The following MKI67 variants were observed in gnomAD, a reference collection of about 807,000 sequenced individuals.
The protein encoded by MKI67 is marker of proliferation Ki-67, also known as proliferation marker protein Ki-67.
Under a neutral mutation model 233.5 loss-of-function variants are expected in MKI67, and 152 were observed. That is an observed-to-expected ratio of 0.65 (90% CI 0.57 to 0.74). The LOEUF is 0.74. Ranked by LOEUF, MKI67 falls within the 30% of genes least tolerant of loss-of-function variation. The pLI, the probability that MKI67 is intolerant of heterozygous loss-of-function variation, is 0.00. For synonymous variants in MKI67, 1,465 were observed against 1,418.5 expected, an observed-to-expected ratio of 1.03 and a Z score of -0.74; for missense variants, 3,940 against 3,885.2, an observed-to-expected ratio of 1.01 and a Z score of -0.37.
Position 128,105,490 on chromosome 10 carries a change from G to C in MKI67, c.6350C>G (p.Thr2117Arg). The C allele has an allele frequency of 6.2e-7, 1 of 1,613,984 alleles. No individual in the cohort carries two copies. The highest frequency in any genetic ancestry group is 1.1e-5 in the South Asian group (1 of 91,066). Residue 2117 changes from threonine (T) to arginine (R), a missense_variant, in exon 13 of 15, where the codon ACA (threonine) becomes AGA (arginine). By Grantham distance (71) the Thr-to-Arg change is moderately conservative. Transcript: ENST00000368654. ...PPESMDTPTS[T>R]RRRPKTPLGK... The stretch of plus-strand genomic sequence containing the variant: ...CAAAGGTGTTTTGGGCCGCCTCCTT[G>C]TGCTTGTTGGAGTGTCCATTGATTC...
rs1322207119 is a variant in MKI67 at position 128,106,785 on chromosome 10, G to A, written c.5055C>T (p.Asp1685=). Residue 1685 remains aspartate (D), a synonymous_variant, in exon 13 of 15, where the codon GAC becomes GAT. Coordinates refer to ENST00000368654, the MANE Select transcript of MKI67 (RefSeq NM_002417.5). ...AFMESPKQIL[D]SAASLTGSKR... Reference sequence around the variant, plus strand: ...TGCTGCCAGTTAGACTTGCTGCTGAGTCTAAGATCTGCTTTGGAGACTCCA... The same window carrying A: ...TGCTGCCAGTTAGACTTGCTGCTGAATCTAAGATCTGCTTTGGAGACTCCA... The A allele has an allele frequency of 1.2e-6, 2 of 1,614,020 alleles. No individual in the cohort carries two copies. The highest frequency in any genetic ancestry group is 2.7e-5 in the African/African-American group (2 of 74,916).
At position 128,104,252 on chromosome 10, in the gene MKI67, T is replaced by C. The variant is rs758932785; in HGVS notation, c.7588A>G (p.Lys2530Glu). 6.2e-7 allele frequency: 1 copy of C among 1,614,082 alleles called. No homozygotes were observed. Among genetic ancestry groups the C allele is most frequent in the South Asian group, 1.1e-5 (1 of 91,082 alleles). Residue 2530 changes from lysine to glutamate, a missense_variant, in exon 13 of 15, where the codon AAG (lysine) becomes GAG (glutamate). Lys to Glu is a moderately conservative substitution (Grantham distance 56, BLOSUM62 1). Coordinates refer to ENST00000368654, the MANE Select transcript of MKI67 (RefSeq NM_002417.5). ...KSIKAFKESP[K>E]QILDPAASVT... is the part of the protein sequence containing the mutation. Reference sequence around the variant, plus strand: ...CTTGCTGCTGGGTCCAGGATCTGCTTTGGAGACTCCTTAAACGCTTTGATG... The same window carrying C: ...CTTGCTGCTGGGTCCAGGATCTGCTCTGGAGACTCCTTAAACGCTTTGATG...
At position 128,115,460 on chromosome 10, in the gene MKI67, G is replaced by T; in HGVS notation, c.948C>A (p.Asn316Lys). 2 of 1,613,814 alleles carry T rather than the reference G, an allele frequency of 1.2e-6. No individual in the cohort carries two copies. Among genetic ancestry groups the T allele is most frequent in the Non-Finnish European group, 1.7e-6 (2 of 1,179,932 alleles). The change falls in exon 7 of 15, where the codon AAC (asparagine) becomes AAA (lysine). Residue 316 changes from asparagine to lysine, a missense_variant. Physicochemically the swap from Asn to Lys is moderately conservative, Grantham distance 94. Coordinates refer to ENST00000368654, the MANE Select transcript of MKI67 (RefSeq NM_002417.5). ...ACTCCACGTCTCTTCCCTTCCCCTT[G>T]TTCTGGTCAAGCTCTTGTTCAGGTG... ...PASPEQELDQ[N>K]KGKGRDVESV...
At position 128,108,437 on chromosome 10, in the gene MKI67, C is replaced by T; in HGVS notation, c.3403G>A (p.Glu1135Lys). 1 of 1,614,106 alleles carries T rather than the reference C, an allele frequency of 6.2e-7. No individual in the cohort carries two copies. Among genetic ancestry groups the T allele is most frequent in the Non-Finnish European group, 8.5e-7 (1 of 1,180,046 alleles). ...GTGCTTGTTGGAGTGTCCACTGATT[C>T]TGGTGGTGGAGATTTGCAGGCTATT... ...TKIACKSPPP[E>K]SVDTPTSTKQ... The change falls in exon 13 of 15, where the codon GAA becomes AAA. Residue 1135 changes from glutamate (E) to lysine (K), a missense_variant. Coordinates refer to ENST00000368654, the MANE Select transcript of MKI67 (RefSeq NM_002417.5).
chr10:128,117,677 ACTAT>A (rs1251213079), intron 5 of MKI67, among the ~76,000 whole-genome samples: 2 of 152,228 alleles, frequency 1.3e-5, no homozygotes, highest in East Asian at 3.8e-4. Flanking sequence ...TGCTTCTAAA[ACTAT>A]CTATGTGAGG....
rs1204578456 is a variant in MKI67 at position 128,110,534 on chromosome 10, C to T, written c.2261-1G>A. On this transcript the variant is annotated splice_acceptor_variant, in intron 11 of 14. Coordinates refer to ENST00000368654, the MANE Select transcript of MKI67 (RefSeq NM_002417.5). LOFTEE classifies it high-confidence loss of function. ...GGGGTCTTGAACATTTCAGCTATTCCTGTTAAATGAAAATATTTGAAAAGT... is the reference window on the plus strand; with the variant it reads ...GGGGTCTTGAACATTTCAGCTATTCTTGTTAAATGAAAATATTTGAAAAGT... 8 of 1,536,804 alleles carry T rather than the reference C, an allele frequency of 5.2e-6. No homozygotes were observed. The highest frequency in any genetic ancestry group is 3.7e-5 in the South Asian group (3 of 80,200).
chr10:128,119,552 T>A (rs1326510916), intron 4 of MKI67, among the ~76,000 whole-genome samples: 1 of 152,244 alleles, frequency 6.6e-6, no homozygotes, highest in Non-Finnish European at 1.5e-5. Flanking sequence ...GGGACCCAGA[T>A]TAACTTCTGA....
In MKI67 at chr10:128,106,833, A is replaced by G. The variant is rs772419215; in HGVS notation, c.5007T>C (p.Asp1669=). 3 of 1,613,856 alleles carry G rather than the reference A, an allele frequency of 1.9e-6. No homozygotes were observed. Among genetic ancestry groups the G allele is most frequent in the East Asian group, 2.2e-5 (1 of 44,864 alleles). ...TTHTHTEPTG[D]GKSMKAFMES... ...CCATAAATGCTTTCATGCTCTTACC[A>G]TCTCCTGTTGGCTCTGTGTGTGTGT... The change falls in exon 13 of 15, where the codon GAT becomes GAC. Residue 1669 remains aspartate, a synonymous_variant. Coordinates refer to ENST00000368654, the MANE Select transcript of MKI67 (RefSeq NM_002417.5).
Position 128,115,798 on chromosome 10 carries a change from T to C in MKI67, c.610A>G (p.Lys204Glu). Residue 204 changes from lysine (K) to glutamate (E), a missense_variant, in exon 7 of 15, where the codon AAA becomes GAA. Coordinates refer to ENST00000368654, the MANE Select transcript of MKI67 (RefSeq NM_002417.5). The stretch of plus-strand genomic sequence containing the variant: ...ACTAATTTAACGCTGGAAATTTCTT[T>C]AAAATCCCCAGAAATGGGATCAGCT... ...NAADPISGDF[K>E]EISSVKLVSR... 4 of 1,611,762 alleles carry C rather than the reference T, an allele frequency of 2.5e-6. No individual in the cohort carries two copies. The East Asian group carries it at 8.9e-5, about 36-fold the overall frequency.
rs1450580761 is a variant in MKI67, at chr10:128,103,885, T to C, written c.7955A>G (p.Lys2652Arg). The change falls in exon 13 of 15, where the codon AAG becomes AGG. Residue 2652 changes from lysine (K) to arginine (R), a missense_variant. Physicochemically the swap from Lys to Arg is conservative, Grantham distance 26 (BLOSUM62 2). Coordinates refer to ENST00000368654, the MANE Select transcript of MKI67 (RefSeq NM_002417.5). Reference sequence around the variant, plus strand: ...TTCCTCTTCTACTGGGTTTGGTTTCTTCTTTGCACGTTGCTTCAATACTTT... The same window carrying C: ...TTCCTCTTCTACTGGGTTTGGTTTCCTCTTTGCACGTTGCTTCAATACTTT... ...GIKVLKQRAK[K>R]KPNPVEEEPS... 2 of 1,613,892 alleles carry C rather than the reference T, an allele frequency of 1.2e-6. No individual in the cohort carries two copies. Among genetic ancestry groups the C allele is most frequent in the South Asian group, 2.2e-5 (2 of 91,078 alleles).
chr10:128,103,889 T>C lies in MKI67; in HGVS notation c.7951A>G (p.Lys2651Glu). Residue 2651 changes from lysine (K) to glutamate (E), a missense_variant, in exon 13 of 15, where the codon AAG becomes GAG. Lys to Glu is a moderately conservative substitution (Grantham distance 56). Transcript: ENST00000368654. Reference protein sequence around the residue: ...EGIKVLKQRAKKKPNPVEEEP... With the variant: ...EGIKVLKQRAEKKPNPVEEEP... Reference sequence around the variant, plus strand: ...TCTTCTACTGGGTTTGGTTTCTTCTTTGCACGTTGCTTCAATACTTTGATG... The same window carrying C: ...TCTTCTACTGGGTTTGGTTTCTTCTCTGCACGTTGCTTCAATACTTTGATG... 2 of 1,613,956 alleles carry C rather than the reference T, an allele frequency of 1.2e-6. No homozygotes were observed. Among genetic ancestry groups the C allele is most frequent in the Non-Finnish European group, 1.7e-6 (2 of 1,179,998 alleles).
At position 128,107,003 on chromosome 10, in the gene MKI67, C is replaced by T; in HGVS notation, c.4837G>A (p.Val1613Ile). ...ESMTNDKTAK[V>I]ACKSSQPDPD... ...TCTGGTTGTGAAGATTTGCAGGCTA[C>T]TTTGGCAGTTTTATCGTTAGTCATT... The change falls in exon 13 of 15, where the codon GTA (valine) becomes ATA (isoleucine). Residue 1613 changes from valine (V) to isoleucine (I), a missense_variant. Physicochemically the swap from Val to Ile is conservative, Grantham distance 29. Transcript: ENST00000368654. The T allele has an allele frequency of 6.2e-7, 1 of 1,613,906 alleles. No individual in the cohort carries two copies. The highest frequency in any genetic ancestry group is 8.5e-7 in the Non-Finnish European group (1 of 1,179,986).
At position 128,124,313 on chromosome 10, in the gene MKI67, A is replaced by G. The variant is rs573567999; in HGVS notation, c.93-1144T>C. Among the ~76,000 whole-genome samples the G allele has an allele frequency of 7.5e-4, 114 of 152,338 alleles. 1 individual carries two copies. The highest frequency in any genetic ancestry group is 2.7e-3 in the African/African-American group (111 of 41,590). On this transcript the variant is annotated intron_variant, in intron 2 of 14. Transcript: ENST00000368654. ...GAATTTGTTTGGCAGGAGGACGACTATAGATGGGTGTTTCTGAGCTTTGGC... is the reference window on the plus strand; with the variant it reads ...GAATTTGTTTGGCAGGAGGACGACTGTAGATGGGTGTTTCTGAGCTTTGGC...
rs532424501 is a variant in MKI67, at chr10:128,108,199, G to T, written c.3641C>A (p.Pro1214His). Reference sequence around the variant, plus strand: ...TTCTAGAGCCTGGGCCTTTTCCTTAGGAGTCTGTAGCTGTCTTTTGCTGCC... The same window carrying T: ...TTCTAGAGCCTGGGCCTTTTCCTTATGAGTCTGTAGCTGTCTTTTGCTGCC... ...LPGSKRQLQT[P>H]KEKAQALEDL... The change falls in exon 13 of 15, where the codon CCT becomes CAT. Residue 1214 changes from proline to histidine, a missense_variant. Transcript: ENST00000368654. The T allele has an allele frequency of 5.6e-6, 9 of 1,613,438 alleles. No individual in the cohort carries two copies. The African/African-American group carries it at 1.2e-4, about 22-fold the overall frequency.
chr10:128,118,628 G>C (rs1270161362), intron 5 of MKI67, among the ~76,000 whole-genome samples: 1 of 152,028 alleles, frequency 6.6e-6, no homozygotes, highest in East Asian at 1.9e-4. Context: ...TTAATAAGCT[G>C]TACAACTAAA....
chr10:128,101,269 T>G lies in MKI67; in HGVS notation c.9694A>C (p.Asn3232His), dbSNP rs764669533. ...AGTAAATGGCTTACCTTCTTTGGATTTTCTGCACACCTCTTGACACTCCGC... is the reference window on the plus strand; with the variant it reads ...AGTAAATGGCTTACCTTCTTTGGATGTTCTGCACACCTCTTGACACTCCGC... ...VTRSVKRCAENPKKAEDNVCV... is the reference protein window; with the variant it reads ...VTRSVKRCAEHPKKAEDNVCV... The change falls in exon 14 of 15, where the codon AAT (asparagine) becomes CAT (histidine). Residue 3232 changes from asparagine (N) to histidine (H), a missense_variant. By Grantham distance (68) the Asn-to-His change is moderately conservative. Coordinates refer to ENST00000368654, the MANE Select transcript of MKI67 (RefSeq NM_002417.5). 1.2e-6 allele frequency: 2 copies of G among 1,608,370 alleles called. No individual in the cohort carries two copies. The highest frequency in any genetic ancestry group is 1.7e-5 in the Admixed American group (1 of 59,846).
At position 128,111,774 on chromosome 10, in the gene MKI67, C is replaced by A. The variant is rs766987700; in HGVS notation, c.2131G>T (p.Ala711Ser). 17 of 1,613,982 alleles carry A rather than the reference C, an allele frequency of 1.1e-5. No individual in the cohort carries two copies. The South Asian group carries it at 1.8e-4, about 17-fold the overall frequency. Reference sequence around the variant, plus strand: ...ATTATTATGGTACAAGGAGAGTTTGCGTGGCCTGTACTAAATTGACTGTGA... The same window carrying A: ...ATTATTATGGTACAAGGAGAGTTTGAGTGGCCTGTACTAAATTGACTGTGA... ...EVHSQFSTGHANSPCTIIIGK... is the reference protein window; with the variant it reads ...EVHSQFSTGHSNSPCTIIIGK... The change falls in exon 11 of 15, where the codon GCA becomes TCA. Residue 711 changes from alanine to serine, a missense_variant. Ala to Ser is a moderately conservative substitution (Grantham distance 99, BLOSUM62 1). Transcript: ENST00000368654.
rs775145750 is a variant in MKI67 at position 128,103,766 on chromosome 10, T to C, written c.8074A>G (p.Thr2692Ala). Reference protein sequence around the residue: ...FTELSETSGHTQESLTAGKAT... With the variant: ...FTELSETSGHAQESLTAGKAT... ...TTGCCAGCAGTCAGTGATTCCTGAG[T>C]GTGACCTGATGTTTCAGAGAGCTCT... Residue 2692 changes from threonine to alanine, a missense_variant, in exon 13 of 15, where the codon ACT becomes GCT. Physicochemically the swap from Thr to Ala is moderately conservative, Grantham distance 58. Coordinates refer to ENST00000368654, the MANE Select transcript of MKI67 (RefSeq NM_002417.5). 1 of 1,613,586 alleles carries C rather than the reference T, an allele frequency of 6.2e-7. No homozygotes were observed. The highest frequency in any genetic ancestry group is 1.7e-5 in the Admixed American group (1 of 59,950).
chr10:128,109,583 C>G (rs1420914845), intron 12 of MKI67, among the ~76,000 whole-genome samples, 160 bp from the exon 13 acceptor site: 1 of 152,130 alleles, frequency 6.6e-6, no homozygotes, highest in Non-Finnish European at 1.5e-5. Context: ...TTATAAGAGC[C>G]ATGCACAATT....
Sources: gnomAD v4.1 joint callset for allele counts (sites outside exome capture counted in the v4.1 genomes callset) on GRCh38, gnomAD v4.1.1 for gene constraint, MANE v1.5 for transcripts, NCBI Gene and HGNC (gene_info 2026-07-23, HGNC 2026-07-21) for gene names.